Variants in LRBA observed in about 807,000 individuals in gnomAD.
The protein encoded by LRBA is LPS responsive beige-like anchor protein.
A neutral mutation model predicts 330.0 loss-of-function variants in LRBA; 176 were observed. The ratio of observed to expected loss-of-function variants is 0.53; its 90% confidence interval spans 0.47 to 0.60. The LOEUF is 0.60. LRBA is among the 20% of genes least tolerant of loss of function. LRBA has a pLI of 0.00. For missense variants in LRBA, 3,259 were observed against 3,444.8 expected, an observed-to-expected ratio of 0.95 and a Z score of 1.35; for synonymous variants, 1,230 against 1,193.0, an observed-to-expected ratio of 1.03 and a Z score of -0.64.
At chr4:150,714,057 C>T (rs1017314905) in intron 36 of LRBA, among the ~76,000 whole-genome samples, 7 of 152,128 alleles carry the variant, frequency 4.6e-5, no homozygotes, top group Non-Finnish European at 8.8e-5. Flanking sequence ...AGTACCACTT[C>T]TTTACACTCC....
intron 17 of LRBA, among the ~76,000 whole-genome samples, chr4:150,873,920 A>G (rs1753723778): frequency 6.6e-6 from 1 of 152,202 alleles, no homozygotes; most frequent in Non-Finnish European, 1.5e-5. Context: ...ATCCAGGTCC[A>G]TATCACATTG....
intron 46 of LRBA, among the ~76,000 whole-genome samples, chr4:150,419,306 A>G (rs1748242978): frequency 1.3e-5 from 2 of 152,144 alleles, no homozygotes; most frequent in African/African-American, 2.4e-5. Context: ...TCTAACAGTA[A>G]CTTGGTATAA....
At chr4:150,866,950 A>G (rs1461445685) in intron 22 of LRBA, among the ~76,000 whole-genome samples, 8 of 152,022 alleles carry the variant, frequency 5.3e-5, no homozygotes, top group East Asian at 1.9e-4. Context: ...GACAACACCA[A>G]ATAAAAGCTA....
intron 40 of LRBA, among the ~76,000 whole-genome samples, chr4:150,553,040 G>T (rs1459237193): frequency 6.6e-6 from 1 of 151,258 alleles, no homozygotes; most frequent in African/African-American, 2.4e-5. Context: ...CTGCACTCCA[G>T]CCTGGGCGAC....
chr4:150,541,109 G>A (rs1206616832), intron 40 of LRBA, among the ~76,000 whole-genome samples: 1 of 152,140 alleles, frequency 6.6e-6, no homozygotes, highest in Non-Finnish European at 1.5e-5. Context: ...CCAGTTACTG[G>A]ATTTAGTCAG....
At chr4:150,284,067 G>T (rs1580893785) in intron 54 of LRBA, among the ~76,000 whole-genome samples, 1 of 152,186 alleles carries the variant, frequency 6.6e-6, no homozygotes, top group South Asian at 2.1e-4. Context: ...AGTACAATTT[G>T]AATTGAATAT....
chr4:151,009,841 G>A (rs560438384), intron 2 of LRBA, among the ~76,000 whole-genome samples: 7 of 151,980 alleles, frequency 4.6e-5, no homozygotes, highest in South Asian at 2.1e-4. Context: ...TTAGCTGGGC[G>A]TGGTGGCACG....
chr4:150,579,984 C>G (rs1771069171), intron 40 of LRBA: 25 of 319,040 alleles, frequency 7.8e-5, no homozygotes, highest in South Asian at 6.1e-4. Flanking sequence ...CCCGGCCAGT[C>G]GCGCTCTCCC....
At chr4:150,373,437 T>C (rs140475638) in intron 47 of LRBA, among the ~76,000 whole-genome samples, 11 of 152,166 alleles carry the variant, frequency 7.2e-5, no homozygotes, top group Non-Finnish European at 1.2e-4. Context: ...TTTTAAGATG[T>C]AACCTAGACT....
intron 22 of LRBA, among the ~76,000 whole-genome samples, chr4:150,863,802 T>C (rs938648796): frequency 6.6e-6 from 1 of 152,312 alleles, no homozygotes; most frequent in African/African-American, 2.4e-5. Flanking sequence ...TCAAAACACC[T>C]GAGATATCAC....
At chr4:150,346,691 G>A (rs897811580) in intron 48 of LRBA, among the ~76,000 whole-genome samples, 2 of 148,038 alleles carry the variant, frequency 1.4e-5, no homozygotes, top group East Asian at 2.0e-4. Context: ...CCTGGGAGGC[G>A]GAGGTTGCAG....
chr4:150,304,129 A>G (rs116546764), intron 52 of LRBA, among the ~76,000 whole-genome samples: 1,849 of 152,262 alleles, frequency 0.012, 41 homozygotes, highest in African/African-American at 0.042. Flanking sequence ...GATGTTCAAG[A>G]AAAAAAGGCT....
chr4:150,410,961 G>A (rs1167446012), intron 47 of LRBA, among the ~76,000 whole-genome samples: 2 of 152,020 alleles, frequency 1.3e-5, no homozygotes, highest in African/African-American at 4.8e-5. Context: ...TGGGCATTCC[G>A]AACTCATAAA....
intron 47 of LRBA, among the ~76,000 whole-genome samples, chr4:150,353,826 C>T (rs1737484632): frequency 6.6e-6 from 1 of 152,144 alleles, no homozygotes; most frequent in Non-Finnish European, 1.5e-5. Context: ...ACGTTACCTT[C>T]ATGAATATAC....
chr4:150,756,662 A>C (rs1734354542), intron 35 of LRBA, among the ~76,000 whole-genome samples: 1 of 152,224 alleles, frequency 6.6e-6, no homozygotes, highest in South Asian at 2.1e-4. Flanking sequence ...AAATGAATTT[A>C]GGTCCAATAT....
chr4:150,851,975 A>T lies in LRBA; in HGVS notation c.3735T>A (p.Asp1245Glu). Residue 1245 changes from aspartate (D) to glutamate (E), a missense_variant, in exon 23 of 57, where the codon GAT becomes GAA. Transcript: ENST00000651943. ...CAGTATCTGTAGCAACATTGGAAAC[A>T]TCCAACTTCGCAATCTTTTGCTCAG... ...ASSEQKIAKL[D>E]VSNVATDTER... 1 of 1,614,176 alleles carries T rather than the reference A, an allele frequency of 6.2e-7. No homozygotes were observed. Among genetic ancestry groups the T allele is most frequent in the Non-Finnish European group, 8.5e-7 (1 of 1,180,006 alleles).
rs1735645935 is a variant in LRBA, at chr4:150,342,014, T to A, written c.7362+7978A>T. ...TTTTAGAAGAGGGAAAATTATTTTA[T>A]AAAATATTCATCATGTATTTAATTT... On this transcript the variant is annotated intron_variant, in intron 48 of 56. Transcript: ENST00000651943. Among the ~76,000 whole-genome samples the A allele has an allele frequency of 2.0e-5, 3 of 151,794 alleles. No individual in the cohort carries two copies. In the South Asian group the frequency reaches 6.2e-4, roughly 31 times the overall value.
chr4:150,486,575 T>C (rs1757894134), intron 42 of LRBA, among the ~76,000 whole-genome samples: 1 of 151,902 alleles, frequency 6.6e-6, no homozygotes, highest in Non-Finnish European at 1.5e-5. Flanking sequence ...ATAAAAATTA[T>C]CATTTTTTTG....
chr4:150,515,730 T>G (rs1202040728), intron 40 of LRBA, among the ~76,000 whole-genome samples: 1 of 152,084 alleles, frequency 6.6e-6, no homozygotes, highest in East Asian at 1.9e-4. Flanking sequence ...ATATATAAGA[T>G]AAACATGGGA....
Sources: gnomAD v4.1 joint callset for allele counts (sites outside exome capture counted in the v4.1 genomes callset) on GRCh38, gnomAD v4.1.1 for gene constraint, MANE v1.5 for transcripts, NCBI Gene and HGNC (gene_info 2026-07-23, HGNC 2026-07-21) for gene names.